Variants in ADAMTSL1 observed in about 807,000 individuals in gnomAD.
The protein encoded by ADAMTSL1 is ADAMTS like 1.
ADAMTSL1 carries 126 observed loss-of-function variants against 201.8 expected under a neutral mutation model. The ratio of observed to expected loss-of-function variants is 0.62; its 90% CI spans 0.54 to 0.72. The LOEUF is 0.72. Among genes scored for constraint, ADAMTSL1 ranks in the 30% least tolerant of loss-of-function variants. ADAMTSL1 has a pLI of 0.00. For missense variants in ADAMTSL1, 2,679 were observed against 2,277.8 expected (o/e 1.18, Z -3.59); for synonymous variants, 1,121 against 903.4 (o/e 1.24, Z -4.32).
intron 2 of ADAMTSL1, among the ~76,000 whole-genome samples, chr9:18,241,516 G>A (rs1161693249): frequency 1.3e-5 from 2 of 151,786 alleles, no homozygotes; most frequent in Admixed American, 1.3e-4. Context: ...GCTCTGAGTA[G>A]ACTAAAACAG....
At chr9:18,505,385 A>C (rs1239802292) in intron 2 of ADAMTSL1, among the ~76,000 whole-genome samples, 1 of 152,210 alleles carries the variant, frequency 6.6e-6, no homozygotes, top group African/African-American at 2.4e-5. Flanking sequence ...ATATTGGTTT[A>C]TTTTTGTAGA....
intron 1 of ADAMTSL1, among the ~76,000 whole-genome samples, chr9:18,160,506 G>A (rs1283463339): frequency 6.6e-6 from 1 of 151,932 alleles, no homozygotes; most frequent in Non-Finnish European, 1.5e-5. Flanking sequence ...ACCATAAGAT[G>A]CAAAGGGATG....
chr9:18,237,616 A>C (rs1830898111), intron 2 of ADAMTSL1, among the ~76,000 whole-genome samples: 1 of 152,230 alleles, frequency 6.6e-6, no homozygotes, highest in Admixed American at 6.5e-5. Context: ...CTGAGATACA[A>C]ATACTTGATT....
At chr9:17,943,134 G>A (rs1827310719) in intron 1 of ADAMTSL1, among the ~76,000 whole-genome samples, 1 of 151,938 alleles carries the variant, frequency 6.6e-6, no homozygotes, top group African/African-American at 2.4e-5. Flanking sequence ...TTTTGACAGA[G>A]TCTCACTATG....
At chr9:18,873,619 C>T (rs1487404607) in intron 23 of ADAMTSL1, among the ~76,000 whole-genome samples, 2 of 152,050 alleles carry the variant, frequency 1.3e-5, no homozygotes, top group Non-Finnish European at 2.9e-5. Context: ...AAGTATTTGG[C>T]TGTATTTCTG....
intron 23 of ADAMTSL1, among the ~76,000 whole-genome samples, chr9:18,862,483 T>G (rs1199612474): frequency 2.0e-5 from 3 of 152,242 alleles, no homozygotes; most frequent in Non-Finnish European, 4.4e-5. Context: ...AACTGTTGTT[T>G]TCTTCTCAGA....
chr9:18,777,457 G>T lies in ADAMTSL1; in HGVS notation c.3228G>T (p.Arg1076=). The T allele has an allele frequency of 6.3e-7, 1 of 1,594,418 alleles. No homozygotes were observed. Among genetic ancestry groups the T allele is most frequent in the Non-Finnish European group, 8.5e-7 (1 of 1,170,824 alleles). ...HLPFTMVTEQ[R]RLDDILGNLS... Reference sequence around the variant, plus strand: ...CCTTCACCATGGTGACCGAGCAGCGGCGCCTGGACGACATCCTGGGGAACC... The same window carrying T: ...CCTTCACCATGGTGACCGAGCAGCGTCGCCTGGACGACATCCTGGGGAACC... The change falls in exon 19 of 29, where the codon CGG becomes CGT. Residue 1076 remains arginine, a synonymous_variant. Transcript: ENST00000380548.
intron 22 of ADAMTSL1, 133 bp downstream of exon 22, chr9:18,826,596 C>A: frequency 9.3e-7 from 1 of 1,075,262 alleles, no homozygotes; most frequent in Non-Finnish European, 1.3e-6. Flanking sequence ...CACTTCTTCC[C>A]AATTTAGGGC....
At chr9:18,197,588 A>G (rs1282190061) in intron 2 of ADAMTSL1, among the ~76,000 whole-genome samples, 4 of 147,156 alleles carry the variant, frequency 2.7e-5, no homozygotes, top group African/African-American at 5.1e-5. Context: ...GGCTGAGACA[A>G]TGCGGTTTTC....
chr9:18,524,086 C>T (rs1364213243), intron 2 of ADAMTSL1, among the ~76,000 whole-genome samples: 1 of 150,842 alleles, frequency 6.6e-6, no homozygotes, highest in Non-Finnish European at 1.5e-5. Flanking sequence ...ATGGAATGTT[C>T]TTCCATTTGT....
Position 18,720,675 on chromosome 9 carries a change from C to T in ADAMTSL1, c.1877-861C>T, listed in dbSNP as rs574403867. Among the ~76,000 whole-genome samples the T allele has an allele frequency of 7.9e-5, 12 of 152,178 alleles. No homozygotes were observed. In the South Asian group the frequency reaches 1.2e-3, roughly 16 times the overall value. ...GCACACGCCTGTAATCCCAGCTACT[C>T]GGGAGGCTGAGGCAGGAGAATCGCT... is the stretch of plus-strand genomic sequence containing the variant. On this transcript the variant is annotated intron_variant, in intron 14 of 28. Transcript: ENST00000380548.
chr9:18,609,269 T>C (rs1825223813), intron 4 of ADAMTSL1, among the ~76,000 whole-genome samples: 1 of 152,176 alleles, frequency 6.6e-6, no homozygotes, highest in Admixed American at 6.5e-5. Flanking sequence ...TCTAAACATT[T>C]CTCTTTAATT....
At chr9:18,070,059 G>A (rs1021325953) in intron 1 of ADAMTSL1, among the ~76,000 whole-genome samples, 7 of 152,168 alleles carry the variant, frequency 4.6e-5, no homozygotes, top group South Asian at 2.1e-4. Flanking sequence ...GAGTAAACTC[G>A]TCAGTCTTAA....
chr9:18,353,139 A>C (rs1389049250), intron 2 of ADAMTSL1, among the ~76,000 whole-genome samples: 1 of 152,222 alleles, frequency 6.6e-6, no homozygotes, highest in Non-Finnish European at 1.5e-5. Context: ...TGCTTGTATC[A>C]GGGCACAAGG....
intron 4 of ADAMTSL1, among the ~76,000 whole-genome samples, chr9:18,583,265 T>C (rs1823234942): frequency 1.3e-5 from 2 of 152,246 alleles, no homozygotes; most frequent in South Asian, 4.1e-4. Flanking sequence ...TCCCAGCTGC[T>C]CCAGCCATGG....
intron 1 of ADAMTSL1, among the ~76,000 whole-genome samples, chr9:18,483,603 G>A (rs1821837718): frequency 6.6e-6 from 1 of 152,174 alleles, no homozygotes; most frequent in African/African-American, 2.4e-5. Flanking sequence ...CAAGGCAGGT[G>A]GATCAGGAGG....
intron 2 of ADAMTSL1, among the ~76,000 whole-genome samples, chr9:18,357,075 C>T (rs1836281693): frequency 6.6e-6 from 1 of 152,154 alleles, no homozygotes; most frequent in Non-Finnish European, 1.5e-5. Context: ...AGCCTACACA[C>T]ACATATCAGC....
intron 9 of ADAMTSL1, among the ~76,000 whole-genome samples, chr9:18,675,528 A>C (rs1015558678): frequency 5.3e-5 from 8 of 152,170 alleles, no homozygotes; most frequent in Non-Finnish European, 1.0e-4. Flanking sequence ...CATAGGATGT[A>C]TAATTTGGGG....
At chr9:17,938,397 A>G (rs571227697) in intron 1 of ADAMTSL1, among the ~76,000 whole-genome samples, 2 of 152,204 alleles carry the variant, frequency 1.3e-5, no homozygotes, top group East Asian at 3.9e-4. Context: ...AGTGGAAACA[A>G]TTTCAAAGAG....
Sources: gnomAD v4.1 joint callset for allele counts (sites outside exome capture counted in the v4.1 genomes callset) on GRCh38, gnomAD v4.1.1 for gene constraint, MANE v1.5 for transcripts, NCBI Gene and HGNC (gene_info 2026-07-23, HGNC 2026-07-21) for gene names.